The following ATP11A variants were observed in gnomAD, a reference collection of about 807,000 sequenced individuals.
The protein encoded by ATP11A is phospholipid-transporting ATPase IH.
Under a neutral mutation model 154.4 loss-of-function variants are expected in ATP11A, and 81 were observed. The ratio of observed to expected loss-of-function variants is 0.52; its 90% CI spans 0.44 to 0.63. ATP11A has a LOEUF of 0.63. Ranked by LOEUF, ATP11A falls within the 30% of genes least tolerant of loss-of-function variation. The pLI, the probability that ATP11A is intolerant of heterozygous loss-of-function variation, is 0.00. For missense variants in ATP11A, 1,316 were observed against 1,474.3 expected, an observed-to-expected ratio of 0.89 and a Z score of 1.76; for synonymous variants, 623 against 585.9, an observed-to-expected ratio of 1.06 and a Z score of -0.91.
At chr13:112,825,860 G>A (rs1403381281) in intron 11 of ATP11A, among the ~76,000 whole-genome samples, 1 of 152,180 alleles carries the variant, frequency 6.6e-6, no homozygotes, top group African/African-American at 2.4e-5. Flanking sequence ...AGAGTGCTGA[G>A]AAAATGCTTG....
At chr13:112,725,694 C>T (rs1356653884) in intron 1 of ATP11A, among the ~76,000 whole-genome samples, 1 of 152,272 alleles carries the variant, frequency 6.6e-6, no homozygotes, top group South Asian at 2.1e-4. Flanking sequence ...GTGGCTACAG[C>T]TGTGGCTGCA....
intron 1 of ATP11A, among the ~76,000 whole-genome samples, chr13:112,716,618 T>C (rs1888487098): frequency 1.3e-5 from 2 of 152,086 alleles, no homozygotes; most frequent in Non-Finnish European, 2.9e-5. Flanking sequence ...GGCTCGGGGC[T>C]GGGTTTGCAC....
intron 1 of ATP11A, among the ~76,000 whole-genome samples, chr13:112,759,878 C>G (rs1371290774): frequency 2.6e-5 from 4 of 152,146 alleles, no homozygotes; most frequent in Non-Finnish European, 4.4e-5. Context: ...GTTATTCGCA[C>G]AAGTTATGCA....
intron 1 of ATP11A, among the ~76,000 whole-genome samples, chr13:112,763,523 T>C (rs1312070714): frequency 6.6e-6 from 1 of 152,190 alleles, no homozygotes; most frequent in African/African-American, 2.4e-5. Flanking sequence ...CTGTCTCTTG[T>C]GGGGGAAATT....
chr13:112,755,991 C>A (rs529413048), intron 1 of ATP11A, among the ~76,000 whole-genome samples: 24 of 150,114 alleles, frequency 1.6e-4, no homozygotes, highest in African/African-American at 5.4e-4. Flanking sequence ...AGAACCATTT[C>A]CGGTCACGGA....
In ATP11A at chr13:112,875,914, G is replaced by C. The variant is rs1489422697; in HGVS notation, c.3300G>C (p.Leu1100=). The C allele has an allele frequency of 1.9e-6, 3 of 1,612,690 alleles. No individual in the cohort carries two copies. The highest frequency in any genetic ancestry group is 2.5e-6 in the Non-Finnish European group (3 of 1,180,022). ...DVLKKVLCRQ[L]WPTATERVQT... ...TCAAGAAAGTCCTGTGCCGGCAGCT[G>C]TGGCCAACAGCAACAGAGAGAGTCC... The change falls in exon 28 of 30, where the codon CTG becomes CTC. Residue 1100 remains leucine (L), a synonymous_variant. Transcript: ENST00000375645. The surrounding 1 kb of genome is among the most constrained non-coding windows in gnomAD (Gnocchi z 4.1).
chr13:112,881,750 T>G (rs534585005), intron 29 of ATP11A, 126 bp from the exon 30 acceptor site: 1 of 1,335,036 alleles, frequency 7.5e-7, no homozygotes, highest in East Asian at 4.6e-5. Context: ...CCAGAGTGGC[T>G]CAGGTCACCC....
intron 17 of ATP11A, among the ~76,000 whole-genome samples, chr13:112,847,859 A>G (rs990007600): frequency 6.6e-6 from 1 of 152,148 alleles, no homozygotes; most frequent in Non-Finnish European, 1.5e-5. Context: ...GCTGAGGCAT[A>G]AGGATCACTT....
At chr13:112,836,785 G>A (rs1196800872) in intron 16 of ATP11A, among the ~76,000 whole-genome samples, 1 of 152,254 alleles carries the variant, frequency 6.6e-6, no homozygotes, top group Non-Finnish European at 1.5e-5. Context: ...CAGTGGCGGG[G>A]CACAGTCAGA....
intron 1 of ATP11A, among the ~76,000 whole-genome samples, chr13:112,722,274 G>T (rs574928552): frequency 2.0e-5 from 3 of 150,898 alleles, no homozygotes; most frequent in African/African-American, 4.9e-5. Flanking sequence ...GGGCCGGCGG[G>T]GGGTAGGGGG....
intron 25 of ATP11A, among the ~76,000 whole-genome samples, chr13:112,866,168 A>T (rs2080325635): frequency 6.6e-6 from 1 of 152,182 alleles, no homozygotes; most frequent in African/African-American, 2.4e-5. Context: ...CAACACACAT[A>T]TGGTAAGACA....
chr13:112,885,219 A>G lies in ATP11A; in HGVS notation c.*3353A>G, dbSNP rs1165252106. The G allele has an allele frequency of 6.8e-6, 1 of 148,016 alleles. No homozygotes were observed. The highest frequency in any genetic ancestry group is 1.5e-5 in the Non-Finnish European group (1 of 66,786). The allele number at this position is 148,016 out of a possible 1,614,324, so 9.2% of individuals were successfully genotyped here. A position where few individuals can be genotyped will look rare whatever the true frequency, so the allele number is the denominator to read the frequency against. ...CATATCATGAACAGCGTAAGTTCCT[A>G]CACACGGACGTGTGATACACACATG... On this transcript the variant is annotated 3_prime_UTR_variant, in exon 30 of 30. Coordinates refer to ENST00000375645, the MANE Select transcript of ATP11A (RefSeq NM_015205.3).
chr13:112,796,496 A>G (rs934200471), intron 2 of ATP11A, among the ~76,000 whole-genome samples: 1 of 152,346 alleles, frequency 6.6e-6, no homozygotes, highest in South Asian at 2.1e-4. Flanking sequence ...AGGGGACCAA[A>G]GGATGTAGGC....
intron 1 of ATP11A, among the ~76,000 whole-genome samples, chr13:112,748,901 C>T (rs1218942884): frequency 1.3e-5 from 2 of 152,192 alleles, no homozygotes; most frequent in East Asian, 3.9e-4. Flanking sequence ...GTCCTTAACA[C>T]TCGCGTTTGT....
intron 19 of ATP11A, among the ~76,000 whole-genome samples, chr13:112,855,384 G>A (rs567043854): frequency 6.6e-6 from 1 of 152,254 alleles, no homozygotes; most frequent in South Asian, 2.1e-4. Flanking sequence ...CACCATGTTG[G>A]CCAGGCTGGT....
chr13:112,871,015 G>A (rs576631747), intron 25 of ATP11A, among the ~76,000 whole-genome samples: 4 of 152,324 alleles, frequency 2.6e-5, no homozygotes, highest in East Asian at 3.9e-4. Flanking sequence ...CACTGCTGGC[G>A]GATCTGTGGT....
intron 20 of ATP11A, among the ~76,000 whole-genome samples, chr13:112,856,967 G>A (rs1052577485): frequency 1.3e-5 from 2 of 152,226 alleles, no homozygotes; most frequent in Non-Finnish European, 2.9e-5. Context: ...GACCTTCCAT[G>A]TGAGGAAGAC....
intron 2 of ATP11A, among the ~76,000 whole-genome samples, chr13:112,803,504 T>A (rs2078192970): frequency 1.3e-5 from 2 of 152,214 alleles, no homozygotes; most frequent in African/African-American, 2.4e-5. Context: ...TTCGGTAGAC[T>A]GTCTTCATTA....
chr13:112,767,807 T>G (rs1250212017), intron 1 of ATP11A, among the ~76,000 whole-genome samples: 1 of 152,092 alleles, frequency 6.6e-6, no homozygotes, highest in Admixed American at 6.5e-5. Flanking sequence ...AGTGCGTCTG[T>G]GGTGGTGGGC....
Sources: gnomAD v4.1 joint callset for allele counts (sites outside exome capture counted in the v4.1 genomes callset) on GRCh38, gnomAD v4.1.1 for gene constraint, Gnocchi (gnomAD v3.1) non-coding constraint, MANE v1.5 for transcripts, NCBI Gene and HGNC (gene_info 2026-07-23, HGNC 2026-07-21) for gene names.